SERPINI2: variants seen among roughly 807,000 people sequenced by gnomAD.
SERPINI2 encodes serpin family I member 2.
Under a neutral mutation model 47.3 loss-of-function variants are expected in SERPINI2, and 48 were observed. The observed-to-expected ratio is 1.02, with a 90% CI of 0.81 to 1.29. SERPINI2 has a LOEUF of 1.29. Ranked by LOEUF, SERPINI2 falls within the 50% of genes most tolerant of loss-of-function variation. The probability of loss-of-function intolerance (pLI) is 0.00; values close to 1 mark genes in which losing one functional copy is unlikely to be tolerated. For missense variants in SERPINI2, 448 were observed against 456.9 expected (o/e 0.98, Z 0.18); for synonymous variants, 135 against 149.3 (o/e 0.90, Z 0.70).
chr3:167,476,192 A>T (rs1305503816), upstream of SERPINI2, among the ~76,000 whole-genome samples: 3 of 151,874 alleles, frequency 2.0e-5, no homozygotes. Flanking sequence ...TAAGTAATTG[A>T]ATCTGAATGT....
intron 5 of SERPINI2, among the ~76,000 whole-genome samples, chr3:167,461,263 G>A (rs904456522): frequency 3.9e-5 from 6 of 152,068 alleles, no homozygotes; most frequent in African/African-American, 1.2e-4. Flanking sequence ...AAATAAAGCC[G>A]TCATTTATTT....
At chr3:167,465,137 C>T in intron 5 of SERPINI2, 69 bp downstream of exon 5, 6 of 1,333,198 alleles carry the variant, frequency 4.5e-6, no homozygotes, top group South Asian at 1.3e-5. Context: ...TGTTACCTTT[C>T]AGCTGACTGC....
upstream of SERPINI2, chr3:167,474,188 T>TGC: frequency 3.2e-6 from 3 of 937,642 alleles, no homozygotes; most frequent in South Asian, 1.5e-4. Context: ...ACAATCGGGT[T>TGC]AATGATCAAC....
At chr3:167,461,296 TTG>T (rs1749974809) in intron 5 of SERPINI2, among the ~76,000 whole-genome samples, 1 of 152,160 alleles carries the variant, frequency 6.6e-6, no homozygotes, top group African/African-American at 2.4e-5. Context: ...TTGCCAGACT[TTG>T]TGCTATGAAT....
intron 2 of SERPINI2, among the ~76,000 whole-genome samples, chr3:167,467,637 G>A (rs1681039817): frequency 6.6e-6 from 1 of 152,204 alleles, no homozygotes; most frequent in Non-Finnish European, 1.5e-5. Flanking sequence ...TGCATAACGT[G>A]AGCATGTGAT....
intron 1 of SERPINI2, among the ~76,000 whole-genome samples, chr3:167,473,476 C>G (rs1750395672): frequency 6.6e-6 from 1 of 151,408 alleles, no homozygotes; most frequent in African/African-American, 2.4e-5. Flanking sequence ...TTATTAGTAC[C>G]TTTAAGTTAT....
chr3:167,454,082 C>A (rs557502648), intron 5 of SERPINI2, among the ~76,000 whole-genome samples: 2 of 152,334 alleles, frequency 1.3e-5, no homozygotes, highest in Admixed American at 6.5e-5. Context: ...TGGGCATTGA[C>A]CCCTGTGCTC....
chr3:167,457,316 C>G (rs548552828), intron 5 of SERPINI2, among the ~76,000 whole-genome samples: 13 of 152,294 alleles, frequency 8.5e-5, no homozygotes, highest in African/African-American at 3.1e-4. Context: ...GAAGTATATC[C>G]TAGACCTCTC....
At chr3:167,473,940 A>C in intron 1 of SERPINI2, 63 bp downstream of exon 1, 1 of 1,184,940 alleles carries the variant, frequency 8.4e-7, no homozygotes, top group Non-Finnish European at 1.1e-6. Context: ...TCTACTAAAC[A>C]TTCATAGGCA....
At chr3:167,468,594 G>T (rs1750214570) in intron 2 of SERPINI2, among the ~76,000 whole-genome samples, 1 of 152,016 alleles carries the variant, frequency 6.6e-6, no homozygotes, top group Non-Finnish European at 1.5e-5. Context: ...ATAGATACAG[G>T]TATAAACAAT....
exon 2 of SERPINI2, chr3:167,471,806 A>G: frequency 6.2e-7 from 1 of 1,611,958 alleles, no homozygotes; most frequent in South Asian, 1.1e-5. Flanking sequence ...AAACAGCAAT[A>G]GAAGACTCCA....
intron 2 of SERPINI2, among the ~76,000 whole-genome samples, chr3:167,471,082 T>C (rs945815205): frequency 6.6e-6 from 1 of 152,178 alleles, no homozygotes; most frequent in African/African-American, 2.4e-5. Flanking sequence ...GCATTTTTTT[T>C]AAGAGAAATG....
chr3:167,442,242 C>A (rs1749349052), intron 8 of SERPINI2, 57 bp from the exon 9 acceptor site: 1 of 1,259,394 alleles, frequency 7.9e-7, no homozygotes, highest in Non-Finnish European at 1.1e-6. Flanking sequence ...AAACAACTGA[C>A]AATAATTAGT....
intron 3 of SERPINI2, among the ~76,000 whole-genome samples, chr3:167,466,656 A>G (rs550735354): frequency 5.5e-4 from 84 of 152,302 alleles, no homozygotes; most frequent in Middle Eastern, 6.8e-3. Context: ...TAACACATTC[A>G]ACTAAAATAT....
intron 8 of SERPINI2, 91 bp downstream of exon 8, chr3:167,446,301 A>G: frequency 1.3e-6 from 1 of 771,948 alleles, no homozygotes; most frequent in Non-Finnish European, 2.0e-6. Flanking sequence ...TGAAAGAACA[A>G]ATGACTTCAG....
chr3:167,466,131 C>T (rs1750128180), intron 3 of SERPINI2, among the ~76,000 whole-genome samples: 1 of 152,134 alleles, frequency 6.6e-6, no homozygotes, highest in Non-Finnish European at 1.5e-5. Context: ...ATGGAGGATA[C>T]TAGTATGATC....
chr3:167,471,641 C>T, exon 2 of SERPINI2: 2 of 1,613,570 alleles, frequency 1.2e-6, no homozygotes, highest in Non-Finnish European at 1.7e-6. Flanking sequence ...CTGTGCTTTT[C>T]CTTTGGCTCC....
intron 1 of SERPINI2, 199 bp downstream of exon 1, chr3:167,473,804 A>T: frequency 6.9e-7 from 1 of 1,441,944 alleles, no homozygotes; most frequent in South Asian, 1.5e-5. Flanking sequence ...AACCTGATGA[A>T]TAGTCCTATA....
chr3:167,443,530 C>A (rs1004597241), intron 8 of SERPINI2, among the ~76,000 whole-genome samples: 1 of 152,082 alleles, frequency 6.6e-6, no homozygotes, highest in Non-Finnish European at 1.5e-5. Flanking sequence ...TACATAAATA[C>A]ATCTCCTAGA....
Sources: allele counts gnomAD v4.1 joint callset (sites outside exome capture counted in the v4.1 genomes callset), GRCh38; gene constraint gnomAD v4.1.1; transcripts MANE v1.5; gene names NCBI Gene and HGNC (gene_info 2026-07-23, HGNC 2026-07-21).